Variants in TDRD5 observed in about 807,000 individuals in gnomAD.
TDRD5 encodes tudor domain-containing protein 5.
A neutral mutation model predicts 120.6 loss-of-function variants in TDRD5; 41 were observed. That is an observed-to-expected ratio of 0.34 (90% CI 0.26 to 0.44). TDRD5 has a LOEUF of 0.44. Ranked by LOEUF, TDRD5 falls within the 20% of genes least tolerant of loss-of-function variation. TDRD5 has a pLI of 1.00. For synonymous variants in TDRD5, 430 were observed against 433.7 expected (o/e 0.99, Z 0.11); for missense variants, 1,006 against 1,221.2 (o/e 0.82, Z 2.63).
intron 6 of TDRD5, among the ~76,000 whole-genome samples, chr1:179,628,752 C>T (rs1242090527): frequency 6.6e-6 from 1 of 152,254 alleles, no homozygotes; most frequent in East Asian, 1.9e-4. Flanking sequence ...CAAAACTCAA[C>T]TGTGTTTTGT....
intron 8 of TDRD5, among the ~76,000 whole-genome samples, chr1:179,635,449 G>T (rs1206287530): frequency 6.6e-6 from 1 of 152,032 alleles, no homozygotes; most frequent in Non-Finnish European, 1.5e-5. Flanking sequence ...TTTAACATAG[G>T]TAAGAATCAC....
rs748050733 is a variant in TDRD5 at position 179,592,789 on chromosome 1, G to T, written c.174G>T (p.Leu58Phe). Residue 58 changes from leucine to phenylalanine, a missense_variant, in exon 2 of 18, where the codon TTG (leucine) becomes TTT (phenylalanine). Leu to Phe is a conservative substitution (Grantham distance 22). This residue lies in a region of TDRD5 where 445 missense variants were observed against 515.5 expected (regional missense o/e 0.86). Coordinates refer to ENST00000444136, the MANE Select transcript of TDRD5 (RefSeq NM_001199085.3). ...LGYRSTMELV[L>F]DMPDVVRVCP... ...ATCGGTCCACTATGGAGCTGGTATT[G>T]GACATGCCTGATGTTGTTCGTGTCT... 1.9e-6 allele frequency: 3 copies of T among 1,614,162 alleles called. No individual in the cohort carries two copies.
intron 4 of TDRD5, among the ~76,000 whole-genome samples, chr1:179,597,745 C>T (rs1675483203): frequency 6.6e-6 from 1 of 152,118 alleles, no homozygotes; most frequent in Admixed American, 6.5e-5. Flanking sequence ...GTATATTATC[C>T]ATTTCAAGCC....
intron 1 of TDRD5, chr1:179,592,339 C>A: frequency 2.6e-6 from 1 of 391,276 alleles, no homozygotes; most frequent in Non-Finnish European, 4.8e-6. Flanking sequence ...CGTTGGAGTC[C>A]AACACCCGAC....
At chr1:179,599,150 T>G (rs1459727010) in intron 4 of TDRD5, among the ~76,000 whole-genome samples, 4 of 152,150 alleles carry the variant, frequency 2.6e-5, no homozygotes, top group Admixed American at 6.5e-5. Context: ...ATTTCTTTTC[T>G]TGGTTTTATA....
chr1:179,655,190 CTG>C (rs1678933767), intron 14 of TDRD5, among the ~76,000 whole-genome samples: 1 of 152,164 alleles, frequency 6.6e-6, no homozygotes, highest in African/African-American at 2.4e-5. Flanking sequence ...TTTTAAGTAT[CTG>C]TGGATTTCCC....
chr1:179,654,241 C>A lies in TDRD5; in HGVS notation c.2201C>A (p.Ser734Tyr). Residue 734 changes from serine (S) to tyrosine (Y), a missense_variant, in exon 14 of 18, where the codon TCT becomes TAT. By Grantham distance (144) the Ser-to-Tyr change is moderately radical (BLOSUM62 -2). This residue lies in a region of TDRD5 where 403 missense variants were observed against 448.1 expected (regional missense o/e 0.90). Transcript: ENST00000444136. Reference sequence around the variant, plus strand: ...GAAAAGTCTTTAAGTCATCTTAAATCTGAGTCAAAGGAGCCATTAAAGGAT... The same window carrying A: ...GAAAAGTCTTTAAGTCATCTTAAATATGAGTCAAAGGAGCCATTAAAGGAT... ...NDEKSLSHLK[S>Y]ESKEPLKDSE... 1 of 1,547,958 alleles carries A rather than the reference C, an allele frequency of 6.5e-7. No homozygotes were observed. The highest frequency in any genetic ancestry group is 8.7e-7 in the Non-Finnish European group (1 of 1,145,620).
Position 179,591,997 on chromosome 1 carries a change from C to G in TDRD5, c.-143C>G, listed in dbSNP as rs1053679197. On this transcript the variant is annotated 5_prime_UTR_variant, in exon 1 of 18. Transcript: ENST00000444136. ...GGGCCGAGAAGGGCGCCTCACCTGG[C>G]GCCTCCTGCCTTCCTTTCCACCTCA... 4 of 152,686 alleles carry G rather than the reference C, an allele frequency of 2.6e-5. No homozygotes were observed. Among genetic ancestry groups the G allele is most frequent in the African/African-American group, 7.2e-5 (3 of 41,470 alleles). The allele number at this position is 152,686 out of a possible 1,614,324, so 9.5% of individuals were successfully genotyped here.
intron 9 of TDRD5, 120 bp from the exon 10 acceptor site, chr1:179,639,719 G>C (rs541851682): frequency 9.8e-7 from 1 of 1,020,524 alleles, no homozygotes; most frequent in Admixed American, 2.5e-5. Flanking sequence ...TTAACAATTT[G>C]ACAAAGTCAA....
intron 17 of TDRD5, among the ~76,000 whole-genome samples, chr1:179,674,754 C>T (rs1680034071): frequency 6.6e-6 from 1 of 152,100 alleles, no homozygotes; most frequent in Admixed American, 6.5e-5. Flanking sequence ...CTGTATCATC[C>T]TGGTTTAATC....
chr1:179,690,842 C>A lies in TDRD5; in HGVS notation c.3007C>A (p.Pro1003Thr). ...ECQISQKLYI[P>T]RSTATAALGA... ...CCAGATTTCTCAGAAGCTCTACATT[C>A]CTCGAAGTACAGCCACTGCTGCCTT... Residue 1003 changes from proline (P) to threonine (T), a missense_variant, in exon 18 of 18, where the codon CCT becomes ACT. By Grantham distance (38) the Pro-to-Thr change is conservative (BLOSUM62 -1). Transcript: ENST00000444136. 1 of 1,614,176 alleles carries A rather than the reference C, an allele frequency of 6.2e-7. No homozygotes were observed. The highest frequency in any genetic ancestry group is 1.1e-5 in the South Asian group (1 of 91,074).
Position 179,654,322 on chromosome 1 carries a change from G to C in TDRD5, c.2282G>C (p.Trp761Ser), listed in dbSNP as rs1230334377. Residue 761 changes from tryptophan (W) to serine (S), a missense_variant, in exon 14 of 18, where the codon TGG becomes TCG. Trp to Ser is a radical substitution (Grantham distance 177). Around this residue, in one of 3 missense-constraint regions of TDRD5, gnomAD observed 403 missense variants for 448.1 expected, o/e 0.90. Coordinates refer to ENST00000444136, the MANE Select transcript of TDRD5 (RefSeq NM_001199085.3). ...CNKSFEEDPK[W>S]SNPEPNDLKE... ...AAGAGCTTTGAAGAAGATCCAAAGT[G>C]GTCCAACCCAGAACCAAACGATCTG... The C allele has an allele frequency of 2.6e-6, 4 of 1,547,400 alleles. No individual in the cohort carries two copies. In the African/African-American group the frequency reaches 5.5e-5, roughly 21 times the overall value.
Position 179,603,562 on chromosome 1 carries a change from T to G in TDRD5, c.831+7744T>G, listed in dbSNP as rs148576333. Among the ~76,000 whole-genome samples the G allele has an allele frequency of 8.1e-4, 123 of 152,316 alleles. 1 individual carries two copies. The East Asian group carries it at 0.022, about 27-fold the overall frequency. ...TGAGCTATGTCCCTTGTGTACCGAT[T>G]TTGCTGAGAGTTTTAATCATAAAGC... is the stretch of plus-strand genomic sequence containing the variant. On this transcript the variant is annotated intron_variant, in intron 4 of 17. Transcript: ENST00000444136.
intron 3 of TDRD5, among the ~76,000 whole-genome samples, chr1:179,594,448 T>C (rs1675280339): frequency 6.6e-6 from 1 of 152,204 alleles, no homozygotes; most frequent in Admixed American, 6.5e-5. Context: ...ATTAAATGGC[T>C]TTTCTAAAGT....
rs748218066 is a variant in TDRD5, at chr1:179,662,147, T to C, written c.2366T>C (p.Ile789Thr). ...TGMPCLESVT[I>T]GDDIWDENWL... ...ATGCCATGCCTGGAGTCAGTGACCATAGGTGATGATATTTGGGATGAGAAC... is the reference window on the plus strand; with the variant it reads ...ATGCCATGCCTGGAGTCAGTGACCACAGGTGATGATATTTGGGATGAGAAC... Residue 789 changes from isoleucine to threonine, a missense_variant, in exon 15 of 18, where the codon ATA (isoleucine) becomes ACA (threonine). Around this residue, in one of 3 missense-constraint regions of TDRD5, gnomAD observed 403 missense variants for 448.1 expected, o/e 0.90. Coordinates refer to ENST00000444136, the MANE Select transcript of TDRD5 (RefSeq NM_001199085.3). The C allele has an allele frequency of 1.9e-6, 3 of 1,607,612 alleles. No individual in the cohort carries two copies. Among genetic ancestry groups the C allele is most frequent in the Non-Finnish European group, 1.7e-6 (2 of 1,177,620 alleles).
intron 15 of TDRD5, 41 bp from the exon 16 acceptor site, chr1:179,663,307 G>A: frequency 1.3e-6 from 2 of 1,568,878 alleles, no homozygotes; most frequent in Non-Finnish European, 1.7e-6. Context: ...GGGTCATGTT[G>A]CACTTTATCT....
chr1:179,663,563 G>A (rs1326587713), intron 16 of TDRD5, 72 bp downstream of exon 16: 1 of 1,516,568 alleles, frequency 6.6e-7, no homozygotes, highest in Non-Finnish European at 8.8e-7. Context: ...AAGCAAAATT[G>A]TCTCAATTTA....
intron 11 of TDRD5, among the ~76,000 whole-genome samples, chr1:179,642,879 A>C (rs78142920): frequency 2.7e-3 from 411 of 152,328 alleles, no homozygotes; most frequent in Non-Finnish European, 4.3e-3. Context: ...AGCAGGCAAA[A>C]AAGCAAAAGT....
In TDRD5 at chr1:179,592,752, G is replaced by A. The variant is rs775933425; in HGVS notation, c.137G>A (p.Arg46Gln). Residue 46 changes from arginine (R) to glutamine (Q), a missense_variant, in exon 2 of 18, where the codon CGA becomes CAA. By Grantham distance (43) the Arg-to-Gln change is conservative (BLOSUM62 1). This residue lies in a region of TDRD5 where 445 missense variants were observed against 515.5 expected (regional missense o/e 0.86). Transcript: ENST00000444136. ...ATGGTTGGCAACCATCTACCACTCC[G>A]AATCCTTGGGTATCGGTCCACTATG... ...LLMVGNHLPL[R>Q]ILGYRSTMEL... 9.9e-6 allele frequency: 16 copies of A among 1,613,964 alleles called. No individual in the cohort carries two copies. The highest frequency in any genetic ancestry group is 6.7e-5 in the Admixed American group (4 of 59,992).
Sources: allele counts gnomAD v4.1 joint callset (sites outside exome capture counted in the v4.1 genomes callset), GRCh38; gene constraint gnomAD v4.1.1; regional missense constraint gnomAD v4.1.1; transcripts MANE v1.5; gene names NCBI Gene and HGNC (gene_info 2026-07-23, HGNC 2026-07-21).